Variants in RYR2 observed in about 807,000 individuals in gnomAD.
RYR2 encodes the protein cardiac muscle ryanodine receptor-calcium release channel.
A neutral mutation model predicts 601.1 loss-of-function variants in RYR2; 227 were observed. The ratio of observed to expected loss-of-function variants is 0.38; its 90% CI spans 0.34 to 0.42. The LOEUF is 0.42. RYR2 is among the 10% of genes least tolerant of loss of function. RYR2 has a pLI of 1.00. For synonymous variants in RYR2, 2,223 were observed against 2,175.1 expected (o/e 1.02, Z -0.61); for missense variants, 4,646 against 6,156.5 (o/e 0.75, Z 8.21).
At chr1:237,765,851 C>T (rs1019046182) in intron 84 of RYR2, among the ~76,000 whole-genome samples, 16 of 152,104 alleles carry the variant, frequency 1.1e-4, no homozygotes, top group Non-Finnish European at 1.8e-4. Context: ...TAGATGGTGT[C>T]CTAGGCATTG....
intron 25 of RYR2, among the ~76,000 whole-genome samples, chr1:237,543,107 G>T (rs1669473219): frequency 6.6e-6 from 1 of 152,100 alleles, no homozygotes; most frequent in Admixed American, 6.5e-5. Flanking sequence ...AAAGATCTTT[G>T]TCTCTGCATT....
chr1:237,373,538 G>A (rs1259405488), intron 6 of RYR2, among the ~76,000 whole-genome samples: 2 of 152,192 alleles, frequency 1.3e-5, no homozygotes, highest in Non-Finnish European at 2.9e-5. Flanking sequence ...AGTGTACTTC[G>A]AGTTCCTACC....
In RYR2 at chr1:237,225,676, A is replaced by G. The variant is rs545745637; in HGVS notation, c.49-44821A>G. ...CTAAGTTAAGCCATCTCCTGGGGGTAAAGGGAGTGAATGGGACAGAAAGAG... is the reference window on the plus strand; with the variant it reads ...CTAAGTTAAGCCATCTCCTGGGGGTGAAGGGAGTGAATGGGACAGAAAGAG... On this transcript the variant is annotated intron_variant, in intron 1 of 104. Transcript: ENST00000366574. Among the ~76,000 whole-genome samples the G allele has an allele frequency of 5.9e-5, 9 of 152,272 alleles. No homozygotes were observed. The South Asian group carries it at 1.9e-3, about 32-fold the overall frequency.
intron 20 of RYR2, 114 bp from the exon 21 acceptor site, chr1:237,500,597 T>C: frequency 2.5e-6 from 2 of 787,976 alleles, no homozygotes; most frequent in Non-Finnish European, 4.1e-6. Context: ...TTATTCCTTC[T>C]GATGTTGTGC....
At position 237,099,116 on chromosome 1, in the gene RYR2, AAC is replaced by A. The variant is rs1158656290; in HGVS notation, c.48+56548_48+56549del. 2.7e-3 allele frequency among the ~76,000 whole-genome samples: 361 copies of A among 133,916 alleles called. 3 individuals carry two copies. The highest frequency in any genetic ancestry group is 8.4e-3 in the African/African-American group (318 of 38,070). The allele number at this position is 133,916 out of a possible 152,430, so 87.9% of individuals were successfully genotyped here. A position where few individuals can be genotyped will look rare whatever the true frequency, so the allele number is the denominator to read the frequency against. On this transcript the variant is annotated intron_variant, in intron 1 of 104. Transcript: ENST00000366574. ...AAGGTAGTGTGAACGGAAAAAAAAA[AAC>A]CCAGGAAATTCAATATCAGCATACA...
Position 237,832,703 on chromosome 1 carries a change from C to G in RYR2, c.*56C>G. 1 of 986,846 alleles carries G rather than the reference C, an allele frequency of 1.0e-6. No homozygotes were observed. The highest frequency in any genetic ancestry group is 1.6e-6 in the Non-Finnish European group (1 of 632,438). 61.1% of individuals were successfully genotyped at this position (986,846 alleles called of 1,614,324 possible). A position where few individuals can be genotyped will look rare whatever the true frequency, so the allele number is the denominator to read the frequency against. On this transcript the variant is annotated 3_prime_UTR_variant, in exon 105 of 105. Coordinates refer to ENST00000366574, the MANE Select transcript of RYR2 (RefSeq NM_001035.3). ...ACCCTACCCCTCTCTCTCCCTCTCT[C>G]AATTTCTCTGCTCTCTTGGAAACAT...
At position 237,461,517 on chromosome 1, in the gene RYR2, G is replaced by A. The variant is rs760991938; in HGVS notation, c.1612+4782G>A. Among the ~76,000 whole-genome samples, 6 of 151,968 alleles carry A rather than the reference G, an allele frequency of 3.9e-5. No individual in the cohort carries two copies. The South Asian group carries it at 6.2e-4, about 16-fold the overall frequency. ...ATTGCGTTCTTTTAATTCTTGGTCC[G>A]GTCTGTCCCTTCTTTTCACCTCTGA... is the stretch of plus-strand genomic sequence containing the variant. On this transcript the variant is annotated intron_variant, in intron 16 of 104. Transcript: ENST00000366574.
intron 29 of RYR2, among the ~76,000 whole-genome samples, chr1:237,573,807 C>G (rs61832624): frequency 0.23 from 35,255 of 151,146 alleles, 4,392 homozygotes; most frequent in South Asian, 0.37. Flanking sequence ...GAGTGAGACT[C>G]CGTCTGAAAA....
Position 237,252,162 on chromosome 1 carries a change from T to A in RYR2, c.49-18335T>A, listed in dbSNP as rs78850171. 8.6e-4 allele frequency among the ~76,000 whole-genome samples: 130 copies of A among 151,992 alleles called. 2 individuals carry two copies. The East Asian group carries it at 0.018, about 20-fold the overall frequency. The stretch of plus-strand genomic sequence containing the variant: ...CAACTCTCTGTGGCTCCCAAGGTAC[T>A]TGGACCAAACTCCAAAGCCCTTCTC... On this transcript the variant is annotated intron_variant, in intron 1 of 104. Transcript: ENST00000366574.
chr1:237,435,603 T>G (rs1358082176), intron 12 of RYR2, among the ~76,000 whole-genome samples: 2 of 152,192 alleles, frequency 1.3e-5, no homozygotes, highest in Non-Finnish European at 2.9e-5. Flanking sequence ...TATAGTTGTA[T>G]GCTGGTCTTT....
At chr1:237,244,294 G>T (rs1234253984) in intron 1 of RYR2, among the ~76,000 whole-genome samples, 4 of 152,264 alleles carry the variant, frequency 2.6e-5, no homozygotes, top group South Asian at 4.1e-4. Context: ...CTTCCAGTCT[G>T]ATTTTGATAC....
In RYR2 at chr1:237,143,299, G is replaced by A. The variant is rs529997651; in HGVS notation, c.48+100730G>A. Among the ~76,000 whole-genome samples, 158 of 152,282 alleles carry A rather than the reference G, an allele frequency of 1.0e-3. 2 individuals carry two copies. The highest frequency in any genetic ancestry group is 1.0e-3 in the Non-Finnish European group (70 of 68,008). On this transcript the variant is annotated intron_variant, in intron 1 of 104. Coordinates refer to ENST00000366574, the MANE Select transcript of RYR2 (RefSeq NM_001035.3). The stretch of plus-strand genomic sequence containing the variant: ...GACATGAGCTGATGGTAGCCACAGT[G>A]TCAGGGTCCCGCCTGTATCTCTGAT...
intron 17 of RYR2, among the ~76,000 whole-genome samples, chr1:237,472,225 AC>A (rs1660807714): frequency 6.6e-6 from 1 of 152,244 alleles, no homozygotes; most frequent in African/African-American, 2.4e-5. Context: ...CAAAGTGCAT[AC>A]ATATGCATCA....
chr1:237,726,149 C>A, intron 74 of RYR2, 124 bp from the exon 75 acceptor site: 1 of 703,280 alleles, frequency 1.4e-6, no homozygotes. Flanking sequence ...TCTAAACCAC[C>A]GCAGTCCAAA....
At chr1:237,351,686 T>C (rs1698853333) in intron 3 of RYR2, among the ~76,000 whole-genome samples, 1 of 151,878 alleles carries the variant, frequency 6.6e-6, no homozygotes, top group Non-Finnish European at 1.5e-5. Context: ...AATGAATTTA[T>C]AATTAAAGCC....
At chr1:237,115,484 G>A (rs192329915) in intron 1 of RYR2, among the ~76,000 whole-genome samples, 3,197 of 152,290 alleles carry the variant, frequency 0.021, 77 homozygotes, top group Non-Finnish European at 0.027. Context: ...CGGTTGCAAA[G>A]GAAACAATGG....
chr1:237,567,700 T>C (rs1453172354), intron 28 of RYR2, among the ~76,000 whole-genome samples: 1 of 148,096 alleles, frequency 6.8e-6, no homozygotes, highest in Non-Finnish European at 1.5e-5. Context: ...TAAAGTCTTC[T>C]TTTTTTTTTA....
intron 2 of RYR2, among the ~76,000 whole-genome samples, chr1:237,326,757 C>G (rs921532435): frequency 6.6e-6 from 1 of 152,178 alleles, no homozygotes; most frequent in African/African-American, 2.4e-5. Flanking sequence ...TGATAATTTT[C>G]AAATGCTTGC....
chr1:237,560,026 C>G (rs1671294256), intron 27 of RYR2, among the ~76,000 whole-genome samples: 1 of 152,238 alleles, frequency 6.6e-6, no homozygotes, highest in African/African-American at 2.4e-5. Flanking sequence ...TTGGCACATG[C>G]CTTCAACACT....
Sources: gnomAD v4.1 joint callset for allele counts (sites outside exome capture counted in the v4.1 genomes callset) on GRCh38, gnomAD v4.1.1 for gene constraint, MANE v1.5 for transcripts, NCBI Gene and HGNC (gene_info 2026-07-23, HGNC 2026-07-21) for gene names.